Variants in DISC1 observed in about 807,000 individuals in gnomAD.
DISC1 encodes the protein DISC1 scaffold protein.
A neutral mutation model predicts 84.5 loss-of-function variants in DISC1; 57 were observed. The observed-to-expected ratio is 0.67, with a 90% CI of 0.55 to 0.84. The LOEUF (loss-of-function observed/expected upper bound fraction) is 0.84, where lower values mean the gene tolerates loss of function less well. Among genes scored for constraint, DISC1 ranks in the 40% least tolerant of loss-of-function variants. The pLI is 0.00. For synonymous variants in DISC1, 411 were observed against 415.2 expected, an observed-to-expected ratio of 0.99 and a Z score of 0.12; for missense variants, 1,000 against 1,057.8, an observed-to-expected ratio of 0.95 and a Z score of 0.76.
chr1:231,709,644 A>C (rs111846570), intron 3 of DISC1, among the ~76,000 whole-genome samples: 28 of 152,222 alleles, frequency 1.8e-4, no homozygotes, highest in African/African-American at 6.5e-4. Context: ...GTTAGGTGTG[A>C]TGCTGAATAC....
chr1:231,914,766 G>A (rs1460804635), intron 9 of DISC1, among the ~76,000 whole-genome samples: 1 of 152,150 alleles, frequency 6.6e-6, no homozygotes, highest in East Asian at 1.9e-4. Flanking sequence ...AAAACAGCTT[G>A]CACTGTAAGT....
chr1:231,909,700 G>A (rs952489047), intron 9 of DISC1, among the ~76,000 whole-genome samples: 2 of 152,210 alleles, frequency 1.3e-5, no homozygotes, highest in Non-Finnish European at 2.9e-5. Flanking sequence ...ATGAGTTAGG[G>A]AGGATTCCTT....
intron 2 of DISC1, among the ~76,000 whole-genome samples, chr1:231,697,953 C>T (rs2065924728): frequency 6.6e-6 from 1 of 152,000 alleles, no homozygotes; most frequent in South Asian, 2.1e-4. Flanking sequence ...GCAAAAGCTC[C>T]CTAAGCATAG....
chr1:231,868,818 G>T (rs1377628875), intron 9 of DISC1, among the ~76,000 whole-genome samples: 1 of 149,220 alleles, frequency 6.7e-6, no homozygotes, highest in Non-Finnish European at 1.5e-5. Context: ...TCAGGAGTTT[G>T]AGGCTTCAGT....
At chr1:231,878,197 C>T (rs913188794) in intron 9 of DISC1, among the ~76,000 whole-genome samples, 1 of 152,242 alleles carries the variant, frequency 6.6e-6, no homozygotes, top group East Asian at 1.9e-4. Flanking sequence ...CTGCATGGCC[C>T]ATAGTCTAGT....
chr1:231,949,085 GTCTCGA>G (rs1227145753), intron 9 of DISC1, among the ~76,000 whole-genome samples: 1 of 151,982 alleles, frequency 6.6e-6, no homozygotes, highest in Non-Finnish European at 1.5e-5. Flanking sequence ...AGCCATGATG[GTCTCGA>G]TCTTCTGACC....
At chr1:231,701,550 TG>T (rs1213347624) in intron 2 of DISC1, among the ~76,000 whole-genome samples, 1 of 152,236 alleles carries the variant, frequency 6.6e-6, no homozygotes, top group Admixed American at 6.5e-5. Context: ...CTTAAGTTCA[TG>T]CTCTTTTTCT....
At chr1:231,868,686 C>T (rs1362961709) in intron 9 of DISC1, among the ~76,000 whole-genome samples, 1 of 123,542 alleles carries the variant, frequency 8.1e-6, no homozygotes, top group Non-Finnish European at 1.7e-5. Context: ...AGCAAGACCC[C>T]ATCTCTTATA....
chr1:231,886,748 T>TTCCTTCCG (rs2086706607), intron 9 of DISC1, among the ~76,000 whole-genome samples: 1 of 149,618 alleles, frequency 6.7e-6, no homozygotes, highest in African/African-American at 2.5e-5. Context: ...TTTCTCTTTC[T>TTCCTTCCG]TCCTTTCTTC....
Position 231,750,063 on chromosome 1 carries a change from G to T in DISC1, c.1255G>T (p.Gly419Trp). 6.2e-7 allele frequency: 1 copy of T among 1,614,004 alleles called. No homozygotes were observed. Among genetic ancestry groups the T allele is most frequent in the Non-Finnish European group, 8.5e-7 (1 of 1,179,948 alleles). The change falls in exon 4 of 13, where the codon GGG becomes TGG. Residue 419 changes from glycine (G) to tryptophan (W), a missense_variant. Physicochemically the swap from Gly to Trp is radical, Grantham distance 184. Around this residue, in one of 3 missense-constraint regions of DISC1, gnomAD observed 311 missense variants for 400.1 expected, o/e 0.78. Transcript: ENST00000439617. ...AAQVQAALRR[G>W]ATQQASGDDT... The stretch of plus-strand genomic sequence containing the variant: ...ACAAGTCCAGGCTGCCTTGCGCCGT[G>T]GGGCCACTCAGCAGTGAGTACTTGT...
chr1:231,860,278 A>G (rs2084552282), intron 9 of DISC1, among the ~76,000 whole-genome samples: 1 of 152,224 alleles, frequency 6.6e-6, no homozygotes, highest in Admixed American at 6.5e-5. Context: ...CAACATAATA[A>G]TGCAGGTTGA....
rs1395200236 is a variant in DISC1 at position 231,733,163 on chromosome 1, T to C, written c.1118-16763T>C. ...GTGGTAGGAGTGATGGTGGTGATGGTAGGAGTGGTGGTGATGTTTACTTGG... is the reference window on the plus strand; with the variant it reads ...GTGGTAGGAGTGATGGTGGTGATGGCAGGAGTGGTGGTGATGTTTACTTGG... On this transcript the variant is annotated intron_variant, in intron 3 of 12. Transcript: ENST00000439617. Among the ~76,000 whole-genome samples, 2 of 151,282 alleles carry C rather than the reference T, an allele frequency of 1.3e-5. 1 individual carries two copies. The highest frequency in any genetic ancestry group is 2.9e-5 in the Non-Finnish European group (2 of 67,860).
chr1:231,769,022 G>T (rs770278927), intron 5 of DISC1, among the ~76,000 whole-genome samples: 1 of 152,166 alleles, frequency 6.6e-6, no homozygotes, highest in Non-Finnish European at 1.5e-5. Context: ...GTGTAAATGA[G>T]GGGGAGGATT....
chr1:232,028,325 A>G (rs1327194821), intron 12 of DISC1, among the ~76,000 whole-genome samples: 2 of 152,154 alleles, frequency 1.3e-5, no homozygotes, highest in Non-Finnish European at 2.9e-5. Flanking sequence ...GTCTTCAGGT[A>G]GCAGTTCTGA....
chr1:231,713,781 TATATATATAGG>T (rs1558401506), intron 3 of DISC1, among the ~76,000 whole-genome samples: 2 of 143,824 alleles, frequency 1.4e-5, no homozygotes, highest in Admixed American at 7.0e-5. Flanking sequence ...ATATAGGAGA[TATATATATAGG>T]AGATATATAT....
intron 9 of DISC1, among the ~76,000 whole-genome samples, chr1:231,836,240 G>C (rs751844547): frequency 6.6e-6 from 1 of 152,016 alleles, no homozygotes; most frequent in African/African-American, 2.4e-5. Flanking sequence ...AACAACTCCT[G>C]CTTACAGGAC....
At chr1:231,969,525 G>A (rs966338317) in intron 10 of DISC1, among the ~76,000 whole-genome samples, 3 of 151,508 alleles carry the variant, frequency 2.0e-5, no homozygotes, top group Middle Eastern at 3.2e-3. Context: ...GAGCTCAAAA[G>A]AAAATCGTCT....
chr1:231,827,084 G>A (rs755707500), intron 9 of DISC1, among the ~76,000 whole-genome samples: 8 of 152,036 alleles, frequency 5.3e-5, no homozygotes, highest in Non-Finnish European at 1.2e-4. Context: ...CACCTCCCGG[G>A]TTCAGGCAAT....
At chr1:231,985,208 C>A (rs1048177118) in intron 10 of DISC1, among the ~76,000 whole-genome samples, 2 of 151,762 alleles carry the variant, frequency 1.3e-5, no homozygotes, top group Non-Finnish European at 2.9e-5. Flanking sequence ...TGCCTGTAAT[C>A]CCAGCTACTT....
Sources: gnomAD v4.1 joint callset for allele counts (sites outside exome capture counted in the v4.1 genomes callset) on GRCh38, gnomAD v4.1.1 for gene constraint, gnomAD v4.1.1 regional missense constraint, MANE v1.5 for transcripts, NCBI Gene and HGNC (gene_info 2026-07-23, HGNC 2026-07-21) for gene names.